Variants in SNX8 observed in about 807,000 individuals in gnomAD.
The protein encoded by SNX8 is sorting nexin-8.
A neutral mutation model predicts 51.6 loss-of-function variants in SNX8; 25 were observed. The observed-to-expected ratio is 0.48, with a 90% CI of 0.35 to 0.68. The LOEUF is 0.68. Among genes scored for constraint, SNX8 ranks in the 30% least tolerant of loss-of-function variants. SNX8 has a pLI of 0.00. For synonymous variants in SNX8, 324 were observed against 277.0 expected (o/e 1.17, Z -1.68); for missense variants, 695 against 624.0 (o/e 1.11, Z -1.21).
intron 1 of SNX8, among the ~76,000 whole-genome samples, chr7:2,337,712 G>A (rs1778855149): frequency 6.6e-6 from 1 of 151,704 alleles, no homozygotes; most frequent in South Asian, 2.1e-4. Flanking sequence ...AATTAGCTCA[G>A]GGTCAATTTT....
At chr7:2,326,649 G>A (rs1452342217) in intron 1 of SNX8, among the ~76,000 whole-genome samples, 2 of 152,004 alleles carry the variant, frequency 1.3e-5, no homozygotes, top group Non-Finnish European at 2.9e-5. Context: ...CTGGGCGACA[G>A]AGTCTCACTC....
intron 1 of SNX8, among the ~76,000 whole-genome samples, chr7:2,349,576 C>A (rs949175464): frequency 6.6e-6 from 1 of 151,234 alleles, no homozygotes; most frequent in Non-Finnish European, 1.5e-5. Context: ...TCCCAAGAAG[C>A]TGGGACTACA....
intron 5 of SNX8, among the ~76,000 whole-genome samples, chr7:2,267,550 G>C (rs1181211819): frequency 7.4e-6 from 1 of 134,458 alleles, no homozygotes; most frequent in African/African-American, 2.7e-5. Flanking sequence ...CTAACCGCGA[G>C]TGATCCGCCA....
intron 1 of SNX8, among the ~76,000 whole-genome samples, chr7:2,330,363 C>T (rs917009102): frequency 6.6e-6 from 1 of 151,988 alleles, no homozygotes; most frequent in African/African-American, 2.4e-5. Context: ...GTCTTGAACT[C>T]CCAACCTCAA....
rs1795039022 is a variant in SNX8, at chr7:2,251,840, T to C, written c.*3216A>G. ...GGTCATGTGTAAACAATTCCAGTTG[T>C]TGGGTATATTGGGTATTGATCCCTG... On this transcript the variant is annotated 3_prime_UTR_variant, in exon 11 of 11. Coordinates refer to ENST00000222990, the MANE Select transcript of SNX8 (RefSeq NM_013321.4). The C allele has an allele frequency of 6.6e-6, 1 of 152,452 alleles. No homozygotes were observed. The highest frequency in any genetic ancestry group is 6.5e-5 in the Admixed American group (1 of 15,304). The allele number at this position is 152,452 out of a possible 1,614,324, so 9.4% of individuals were successfully genotyped here.
intron 1 of SNX8, among the ~76,000 whole-genome samples, chr7:2,329,045 C>T (rs1324735123): frequency 6.6e-6 from 1 of 150,864 alleles, no homozygotes; most frequent in Admixed American, 6.6e-5. Flanking sequence ...GAGATCACGC[C>T]ACTGCACTCC....
chr7:2,295,045 TAAATA>T (rs906268728), intron 1 of SNX8, among the ~76,000 whole-genome samples: 1 of 151,654 alleles, frequency 6.6e-6, no homozygotes, highest in African/African-American at 2.4e-5. Context: ...AATATAAAAA[TAAATA>T]AAATAAAATA....
At chr7:2,284,547 G>A (rs534114959) in intron 1 of SNX8, among the ~76,000 whole-genome samples, 64 of 151,788 alleles carry the variant, frequency 4.2e-4, no homozygotes, top group African/African-American at 1.4e-3. Context: ...AGGGACTACA[G>A]GTGCACACCA....
At chr7:2,296,288 C>T (rs891442525) in intron 1 of SNX8, among the ~76,000 whole-genome samples, 13 of 151,956 alleles carry the variant, frequency 8.6e-5, no homozygotes, top group African/African-American at 3.2e-4. Context: ...AGAGATCTTT[C>T]ACATCCTTGG....
chr7:2,266,118 A>C (rs1212333866), intron 5 of SNX8, among the ~76,000 whole-genome samples: 1 of 152,224 alleles, frequency 6.6e-6, no homozygotes, highest in Non-Finnish European at 1.5e-5. Context: ...CCTTGTCTCA[A>C]AAAATAAAAT....
chr7:2,263,963 C>T (rs1375307598), intron 6 of SNX8, among the ~76,000 whole-genome samples: 1 of 152,250 alleles, frequency 6.6e-6, no homozygotes, highest in Non-Finnish European at 1.5e-5. Flanking sequence ...ATCCACCCAC[C>T]TCGGCCTCCC....
chr7:2,313,496 A>C (rs1385746886), intron 1 of SNX8, among the ~76,000 whole-genome samples: 1 of 150,698 alleles, frequency 6.6e-6, no homozygotes, highest in Admixed American at 6.6e-5. Flanking sequence ...ATTGCACTCC[A>C]GCCTGAGTGA....
chr7:2,346,756 A>T (rs1779036612), intron 1 of SNX8, among the ~76,000 whole-genome samples: 1 of 149,236 alleles, frequency 6.7e-6, no homozygotes, highest in East Asian at 2.0e-4. Flanking sequence ...AAAAAAAAAA[A>T]AAAACAGAAA....
In SNX8 at chr7:2,255,028, G is replaced by A. The variant is rs372494808; in HGVS notation, c.*28C>T. 4.3e-5 allele frequency: 62 copies of A among 1,430,388 alleles called. No homozygotes were observed. In the African/African-American group the frequency reaches 6.2e-4, roughly 14 times the overall value. 88.6% of individuals were successfully genotyped at this position (1,430,388 alleles called of 1,614,324 possible). On this transcript the variant is annotated 3_prime_UTR_variant, in exon 11 of 11. Transcript: ENST00000222990. ...TTTGGAAAGAGGTTTTAGTGCGGCC[G>A]CAGGGAGCACCACCTCAGCCTCAGG...
chr7:2,275,081 C>A (rs750069969), intron 3 of SNX8, 31 bp downstream of exon 3: 1 of 1,478,220 alleles, frequency 6.8e-7, no homozygotes, highest in African/African-American at 1.4e-5. Flanking sequence ...TCGCTCCCTC[C>A]GCCCCCGGTG....
rs1257481357 is a variant in SNX8, at chr7:2,257,914, C to T, written c.916-111G>A. The T allele has an allele frequency of 9.6e-6, 10 of 1,036,510 alleles. No individual in the cohort carries two copies. In the African/African-American group the frequency reaches 1.1e-4, roughly 11 times the overall value. The allele number at this position is 1,036,510 out of a possible 1,614,324, so 64.2% of individuals were successfully genotyped here. A position where few individuals can be genotyped will look rare whatever the true frequency, so the allele number is the denominator to read the frequency against. On this transcript the variant is annotated intron_variant, in intron 7 of 10. Transcript: ENST00000222990. Reference sequence around the variant, plus strand: ...CCGGTTCCTTCCTCCCAGAGTCAGACGGGCTCCCCAGGACCACCAGCCAGG... The same window carrying T: ...CCGGTTCCTTCCTCCCAGAGTCAGATGGGCTCCCCAGGACCACCAGCCAGG...
intron 8 of SNX8, 45 bp from the exon 9 acceptor site, chr7:2,257,559 G>C (rs752401585): frequency 5.0e-6 from 8 of 1,595,484 alleles, no homozygotes; most frequent in Non-Finnish European, 6.8e-6. Context: ...GGATGCCTGC[G>C]CCAGGGCCCT....
chr7:2,256,298 T>G (rs1173199177), intron 10 of SNX8, among the ~76,000 whole-genome samples: 3 of 152,150 alleles, frequency 2.0e-5, no homozygotes, highest in African/African-American at 7.2e-5. Context: ...TCGGTGCCAT[T>G]CCACACACAC....
At chr7:2,305,896 C>T (rs953345748) in intron 1 of SNX8, among the ~76,000 whole-genome samples, 8 of 151,938 alleles carry the variant, frequency 5.3e-5, no homozygotes, top group Middle Eastern at 3.2e-3. Context: ...GCCTCAGCAA[C>T]GTAGTGAGTC....
Sources: gnomAD v4.1 joint callset for allele counts (sites outside exome capture counted in the v4.1 genomes callset) on GRCh38, gnomAD v4.1.1 for gene constraint, MANE v1.5 for transcripts, NCBI Gene and HGNC (gene_info 2026-07-23, HGNC 2026-07-21) for gene names.